Variants in ANGPT2 observed in about 807,000 individuals in gnomAD.
ANGPT2 encodes angiopoietin 2.
ANGPT2 carries 28 observed loss-of-function variants against 62.9 expected under a neutral mutation model. The ratio of observed to expected loss-of-function variants is 0.44; its 90% CI spans 0.33 to 0.61. The LOEUF (loss-of-function observed/expected upper bound fraction) is 0.61, where lower values mean the gene tolerates loss of function less well. ANGPT2 is among the 20% of genes least tolerant of loss of function. The probability of loss-of-function intolerance (pLI) is 0.03; values close to 1 mark genes in which losing one functional copy is unlikely to be tolerated. For missense variants in ANGPT2, 727 were observed against 594.9 expected (o/e 1.22, Z -2.31); for synonymous variants, 284 against 207.8 (o/e 1.37, Z -3.15).
At chr8:6,534,452 T>A (rs774504438) in intron 1 of ANGPT2, among the ~76,000 whole-genome samples, 1 of 152,130 alleles carries the variant, frequency 6.6e-6, no homozygotes, top group Non-Finnish European at 1.5e-5. Flanking sequence ...CAAGGGACAG[T>A]TGTACTAGAG....
chr8:6,515,238 G>A (rs1181551298), intron 5 of ANGPT2, among the ~76,000 whole-genome samples: 2 of 152,088 alleles, frequency 1.3e-5, no homozygotes, highest in African/African-American at 4.8e-5. Flanking sequence ...AGAGCTATGT[G>A]AAGGGGATAC....
chr8:6,527,403 A>G (rs998656543), intron 3 of ANGPT2, 152 bp downstream of exon 3: 18 of 892,584 alleles, frequency 2.0e-5, no homozygotes, highest in Non-Finnish European at 2.7e-5. Context: ...AATTTTCTCC[A>G]AGCCCTCTCC....
chr8:6,560,943 C>A lies in ANGPT2; in HGVS notation c.288+1704G>T, dbSNP rs576228820. Among the ~76,000 whole-genome samples the A allele has an allele frequency of 2.9e-4, 44 of 152,332 alleles. 1 individual carries two copies. Among genetic ancestry groups the A allele is most frequent in the African/African-American group, 1.0e-3 (43 of 41,564 alleles). ...GCTGTTTCTTCGAGGAGATGACCTG[C>A]CTGTCGGGCAGATTAGAATATTTAC... On this transcript the variant is annotated intron_variant, in intron 1 of 8. Coordinates refer to ENST00000629816, the MANE Select transcript of ANGPT2 (RefSeq NM_001118887.2).
intron 1 of ANGPT2, among the ~76,000 whole-genome samples, chr8:6,546,264 AC>A (rs1348335661): frequency 2.3e-4 from 35 of 152,364 alleles, no homozygotes; most frequent in African/African-American, 7.2e-4. Flanking sequence ...TTCAAGGGCA[AC>A]CCAGCAGTGT....
rs1267827892 is a variant in ANGPT2 at position 6,501,960 on chromosome 8, A to T, written c.*1141T>A. ...TTTTTTTCAGTTTGCTGATTGACAT[A>T]AAAAAACTTACTAGTGTCAATTATT... is the stretch of plus-strand genomic sequence containing the variant. On this transcript the variant is annotated 3_prime_UTR_variant, in exon 9 of 9. Transcript: ENST00000629816. 6.6e-6 allele frequency: 1 copy of T among 151,806 alleles called. No homozygotes were observed. The highest frequency in any genetic ancestry group is 1.5e-5 in the Non-Finnish European group (1 of 67,954). 9.4% of individuals were successfully genotyped at this position (151,806 alleles called of 1,614,324 possible).
intron 3 of ANGPT2, among the ~76,000 whole-genome samples, chr8:6,526,648 C>A (rs1479840011): frequency 1.3e-5 from 2 of 152,110 alleles, no homozygotes; most frequent in South Asian, 2.1e-4. Flanking sequence ...CAGCTTAGTT[C>A]TTGATTAACA....
At chr8:6,513,935 C>T in intron 6 of ANGPT2, 91 bp from the exon 7 acceptor site, 1 of 1,220,540 alleles carries the variant, frequency 8.2e-7, no homozygotes. Context: ...CATAGAATAA[C>T]TATCAAATAG....
intron 1 of ANGPT2, among the ~76,000 whole-genome samples, chr8:6,549,521 T>A (rs1000463482): frequency 6.6e-6 from 1 of 151,812 alleles, no homozygotes; most frequent in Non-Finnish European, 1.5e-5. Flanking sequence ...AGCTGGGCAG[T>A]CATTACACAG....
At position 6,502,235 on chromosome 8, in the gene ANGPT2, G is replaced by A. The variant is rs1194741646; in HGVS notation, c.*866C>T. ...GTTTCCTTATCACAAGGCACAATTA[G>A]GTCTTTTGGAAACAAATTATAAAAT... is the stretch of plus-strand genomic sequence containing the variant. On this transcript the variant is annotated 3_prime_UTR_variant, in exon 9 of 9. Coordinates refer to ENST00000629816, the MANE Select transcript of ANGPT2 (RefSeq NM_001118887.2). The A allele has an allele frequency of 6.6e-6, 1 of 151,926 alleles. No homozygotes were observed. Among genetic ancestry groups the A allele is most frequent in the East Asian group, 1.9e-4 (1 of 5,202 alleles). 9.4% of individuals were successfully genotyped at this position (151,926 alleles called of 1,614,324 possible). A position where few individuals can be genotyped will look rare whatever the true frequency, so the allele number is the denominator to read the frequency against.
Position 6,527,738 on chromosome 8 carries a change from C to T in ANGPT2, c.445-62G>A, listed in dbSNP as rs982618412. ...TTTAATTAGTTTAACTTTCTAACTT[C>T]CTTTTCATTAAAGTACCCAAGCTAC... On this transcript the variant is annotated intron_variant, in intron 2 of 8. Transcript: ENST00000629816. The T allele has an allele frequency of 4.7e-5, 68 of 1,446,432 alleles. No individual in the cohort carries two copies. The African/African-American group carries it at 8.7e-4, about 19-fold the overall frequency. 89.6% of individuals were successfully genotyped at this position (1,446,432 alleles called of 1,614,324 possible).
intron 7 of ANGPT2, among the ~76,000 whole-genome samples, chr8:6,509,636 G>C (rs1236034778): frequency 6.6e-6 from 1 of 152,192 alleles, no homozygotes; most frequent in African/African-American, 2.4e-5. Flanking sequence ...ACAAATGTCG[G>C]AGTAAGTTAG....
At chr8:6,527,936 C>T (rs941172060) in intron 2 of ANGPT2, among the ~76,000 whole-genome samples, 7 of 140,312 alleles carry the variant, frequency 5.0e-5, no homozygotes, top group African/African-American at 1.8e-4. Context: ...CGCTCCATTG[C>T]CCGGGGTGGA....
At chr8:6,515,100 A>T (rs1815997308) in intron 5 of ANGPT2, among the ~76,000 whole-genome samples, 1 of 151,904 alleles carries the variant, frequency 6.6e-6, no homozygotes, top group Admixed American at 6.6e-5. Flanking sequence ...TTTTTTAGAG[A>T]TTCATTATGA....
In ANGPT2 at chr8:6,500,961, T is replaced by G. The variant is rs1158726043; in HGVS notation, c.*2140A>C. 3 of 152,244 alleles carry G rather than the reference T, an allele frequency of 2.0e-5. No homozygotes were observed. Among genetic ancestry groups the G allele is most frequent in the Non-Finnish European group, 4.4e-5 (3 of 68,044 alleles). 9.4% of individuals were successfully genotyped at this position (152,244 alleles called of 1,614,324 possible). A position where few individuals can be genotyped will look rare whatever the true frequency, so the allele number is the denominator to read the frequency against. ...TCCCTACCTAAGTATCCATCACTCT[T>G]GTCATTGAGATATCCTAGAAACTTG... On this transcript the variant is annotated 3_prime_UTR_variant, in exon 9 of 9. Coordinates refer to ENST00000629816, the MANE Select transcript of ANGPT2 (RefSeq NM_001118887.2).
At chr8:6,524,664 T>C (rs1431466282) in intron 3 of ANGPT2, among the ~76,000 whole-genome samples, 3 of 152,172 alleles carry the variant, frequency 2.0e-5, no homozygotes, top group African/African-American at 4.8e-5. Context: ...TGAACCATAG[T>C]CTTAAGCCTG....
rs184978647 is a variant in ANGPT2 at position 6,526,827 on chromosome 8, C to G, written c.566+728G>C. 1.4e-3 allele frequency among the ~76,000 whole-genome samples: 219 copies of G among 152,318 alleles called. 2 individuals carry two copies. Among genetic ancestry groups the G allele is most frequent in the East Asian group, 1.5e-3 (8 of 5,192 alleles). Reference sequence around the variant, plus strand: ...CCAGGTATGTGCATAAAATTATCCTCTTTTGTCCCAAGTGGAACAGACATA... The same window carrying G: ...CCAGGTATGTGCATAAAATTATCCTGTTTTGTCCCAAGTGGAACAGACATA... On this transcript the variant is annotated intron_variant, in intron 3 of 8. Transcript: ENST00000629816.
chr8:6,500,081 A>G lies in ANGPT2; in HGVS notation c.*3020T>C, dbSNP rs1811851412. On this transcript the variant is annotated 3_prime_UTR_variant, in exon 9 of 9. Transcript: ENST00000629816. Reference sequence around the variant, plus strand: ...TCACAGAACTTAACACCTTTTATCAATTTATTCGCGAGAACAAATGTGAGA... The same window carrying G: ...TCACAGAACTTAACACCTTTTATCAGTTTATTCGCGAGAACAAATGTGAGA... The G allele has an allele frequency of 1.4e-6, 1 of 692,312 alleles. No individual in the cohort carries two copies. The highest frequency in any genetic ancestry group is 2.6e-6 in the Non-Finnish European group (1 of 388,264). 42.9% of individuals were successfully genotyped at this position (692,312 alleles called of 1,614,324 possible). A position where few individuals can be genotyped will look rare whatever the true frequency, so the allele number is the denominator to read the frequency against.
At chr8:6,510,954 A>G (rs1188116961) in intron 7 of ANGPT2, among the ~76,000 whole-genome samples, 1 of 152,208 alleles carries the variant, frequency 6.6e-6, no homozygotes, top group Non-Finnish European at 1.5e-5. Flanking sequence ...TGCTAATGTC[A>G]TAAATACTCA....
intron 1 of ANGPT2, among the ~76,000 whole-genome samples, chr8:6,537,556 AT>A (rs1820732588): frequency 6.6e-6 from 1 of 151,486 alleles, no homozygotes; most frequent in South Asian, 2.1e-4. Context: ...ATATATATAT[AT>A]ATATGTTTAC....
Sources: gnomAD v4.1 joint callset for allele counts (sites outside exome capture counted in the v4.1 genomes callset) on GRCh38, gnomAD v4.1.1 for gene constraint, MANE v1.5 for transcripts, NCBI Gene and HGNC (gene_info 2026-07-23, HGNC 2026-07-21) for gene names.